Variants in CNTNAP5 observed in about 807,000 individuals in gnomAD.
The protein encoded by CNTNAP5 is contactin-associated protein-like 5.
Under a neutral mutation model 150.2 loss-of-function variants are expected in CNTNAP5, and 72 were observed. That is an observed-to-expected ratio of 0.48 (90% CI 0.40 to 0.58). The LOEUF is 0.58. Among genes scored for constraint, CNTNAP5 ranks in the 20% least tolerant of loss-of-function variants. The probability of loss-of-function intolerance (pLI) is 0.00; values close to 1 mark genes in which losing one functional copy is unlikely to be tolerated. For synonymous variants in CNTNAP5, 672 were observed against 619.8 expected, an observed-to-expected ratio of 1.08 and a Z score of -1.25; for missense variants, 1,636 against 1,626.2, an observed-to-expected ratio of 1.01 and a Z score of -0.10.
chr2:124,053,150 G>A (rs1455704051), intron 1 of CNTNAP5, among the ~76,000 whole-genome samples: 2 of 152,102 alleles, frequency 1.3e-5, no homozygotes, highest in Non-Finnish European at 2.9e-5. Context: ...GTCTATAACT[G>A]AGGTAGATGT....
In CNTNAP5 at chr2:124,918,912, T is replaced by G. The variant is rs1057103552; in HGVS notation, c.*4624T>G. ...TAACTGAGTGCTATTTTCTGTCTCA[T>G]GCAGTTTGAACATGTTTTCTTTAAA... On this transcript the variant is annotated 3_prime_UTR_variant, in exon 24 of 24. Coordinates refer to ENST00000682447, the MANE Select transcript of CNTNAP5 (RefSeq NM_001367498.1). 3.9e-5 allele frequency among the ~76,000 whole-genome samples: 6 copies of G among 152,152 alleles called. No individual in the cohort carries two copies. Among genetic ancestry groups the G allele is most frequent in the African/African-American group, 1.4e-4 (6 of 41,450 alleles).
chr2:124,790,125 GCCCTTTTGC>G lies in CNTNAP5; in HGVS notation c.2977_2985del (p.Pro993_Cys995del), dbSNP rs1246769849. Reference sequence around the variant, plus strand: ...ATTGCACCAATTCACCTTATGAAGGGCCCTTTTGCAAAAAAGGTACCTTAGGCGCTCCTG... The same window carrying G: ...ATTGCACCAATTCACCTTATGAAGGGAAAAAAGGTACCTTAGGCGCTCCTG... On this transcript the variant is annotated inframe_deletion, in exon 18 of 24. Coordinates refer to ENST00000682447, the MANE Select transcript of CNTNAP5 (RefSeq NM_001367498.1). 6.2e-7 allele frequency: 1 copy of G among 1,612,728 alleles called. No homozygotes were observed. The highest frequency in any genetic ancestry group is 1.7e-5 in the Admixed American group (1 of 59,750).
rs191309014 is a variant in CNTNAP5, at chr2:124,554,447, G to T, written c.1650-8770G>T. ...CTTTTTTTTTTTTTTTTGAGACAGG[G>T]TCTTACATTGTCACCCAGACTGGAG... On this transcript the variant is annotated intron_variant, in intron 10 of 23. Transcript: ENST00000682447. 2.2e-3 allele frequency among the ~76,000 whole-genome samples: 328 copies of T among 148,442 alleles called. 1 individual carries two copies. The highest frequency in any genetic ancestry group is 3.8e-3 in the Admixed American group (57 of 14,900).
chr2:124,471,374 T>G (rs1266918303), intron 6 of CNTNAP5, among the ~76,000 whole-genome samples: 3 of 152,168 alleles, frequency 2.0e-5, no homozygotes, highest in Non-Finnish European at 4.4e-5. Flanking sequence ...GCTTGCCTGT[T>G]GTTGGTGTAT....
intron 13 of CNTNAP5, among the ~76,000 whole-genome samples, chr2:124,738,237 TC>T (rs1680427737): frequency 6.6e-6 from 1 of 152,190 alleles, no homozygotes. Context: ...TTGAGAGTCC[TC>T]CCTCTTTCTT....
At position 124,434,661 on chromosome 2, in the gene CNTNAP5, G is replaced by A. The variant is rs187679547; in HGVS notation, c.707G>A (p.Gly236Glu). ...GDHITLELQK[G>E]RLALHLNLGD... ...CACATCACCTTGGAACTCCAGAAGG[G>A]GAGGCTCGCCCTACACCTCAATTTG... The change falls in exon 5 of 24, where the codon GGG becomes GAG. Residue 236 changes from glycine (G) to glutamate (E), a missense_variant. Coordinates refer to ENST00000682447, the MANE Select transcript of CNTNAP5 (RefSeq NM_001367498.1). 178 of 1,613,030 alleles carry A rather than the reference G, an allele frequency of 1.1e-4. No homozygotes were observed. In the African/African-American group the frequency reaches 2.1e-3, roughly 19 times the overall value.
chr2:124,160,902 T>C (rs1298623511), intron 1 of CNTNAP5, among the ~76,000 whole-genome samples: 1 of 152,204 alleles, frequency 6.6e-6, no homozygotes, highest in Non-Finnish European at 1.5e-5. Context: ...TTTCATTTTA[T>C]TTGTTTCCTT....
intron 1 of CNTNAP5, among the ~76,000 whole-genome samples, chr2:124,189,835 G>A (rs572138929): frequency 6.6e-6 from 1 of 152,144 alleles, no homozygotes; most frequent in Non-Finnish European, 1.5e-5. Context: ...AAGGGCATAG[G>A]GGATGAAGGT....
At chr2:124,788,357 T>C (rs890735879) in intron 17 of CNTNAP5, among the ~76,000 whole-genome samples, 1 of 152,208 alleles carries the variant, frequency 6.6e-6, no homozygotes, top group Non-Finnish European at 1.5e-5. Context: ...ATCTTCAAGA[T>C]ATATCCTCAG....
chr2:124,885,549 T>TCACACACA (rs3980831), intron 21 of CNTNAP5, among the ~76,000 whole-genome samples: 3,617 of 145,306 alleles, frequency 0.025, 79 homozygotes, highest in African/African-American at 0.056. Flanking sequence ...AACATTTTCA[T>TCACACACA]CACACACACA....
At position 124,919,983 on chromosome 2, in the gene CNTNAP5, A is replaced by G. The variant is rs1167074683; in HGVS notation, c.*5695A>G. ...CCTTCCATTCATCCTGACATGAATA[A>G]GCATAACATAACTGTAAGAAGGAGT... On this transcript the variant is annotated 3_prime_UTR_variant, in exon 24 of 24. Coordinates refer to ENST00000682447, the MANE Select transcript of CNTNAP5 (RefSeq NM_001367498.1). Among the ~76,000 whole-genome samples, 1 of 152,054 alleles carries G rather than the reference A, an allele frequency of 6.6e-6. No homozygotes were observed. Among genetic ancestry groups the G allele is most frequent in the Non-Finnish European group, 1.5e-5 (1 of 68,012 alleles).
rs1681233244 is a variant in CNTNAP5, at chr2:124,772,825, G to T, written c.2560G>T (p.Asp854Tyr). Residue 854 changes from aspartate (D) to tyrosine (Y), a missense_variant, in exon 17 of 24, where the codon GAT becomes TAT. Transcript: ENST00000682447. ...SSPSEITFAI[D>Y]VGNGPVELVV... Reference sequence around the variant, plus strand: ...TCCTTCAGAGATCACCTTTGCCATCGATGTTGGGAATGGTCCTGTGGAGCT... The same window carrying T: ...TCCTTCAGAGATCACCTTTGCCATCTATGTTGGGAATGGTCCTGTGGAGCT... The T allele has an allele frequency of 6.2e-7, 1 of 1,613,562 alleles. No individual in the cohort carries two copies. Among genetic ancestry groups the T allele is most frequent in the Non-Finnish European group, 8.5e-7 (1 of 1,179,670 alleles).
At chr2:124,439,961 A>C (rs1264776251) in intron 5 of CNTNAP5, among the ~76,000 whole-genome samples, 2 of 152,188 alleles carry the variant, frequency 1.3e-5, no homozygotes, top group East Asian at 3.9e-4. Flanking sequence ...TGGGAGATAC[A>C]GATAGTAAGA....
intron 13 of CNTNAP5, among the ~76,000 whole-genome samples, chr2:124,694,480 G>T (rs1679363442): frequency 6.6e-6 from 1 of 152,098 alleles, no homozygotes; most frequent in Non-Finnish European, 1.5e-5. Context: ...GATCTTCATA[G>T]CTGTGTGGTT....
At chr2:124,638,483 T>C (rs1678019522) in intron 12 of CNTNAP5, among the ~76,000 whole-genome samples, 1 of 152,156 alleles carries the variant, frequency 6.6e-6, no homozygotes, top group Non-Finnish European at 1.5e-5. Context: ...TTTTTATAGT[T>C]ATTTTATCAA....
chr2:124,286,283 C>G (rs966187055), intron 3 of CNTNAP5, among the ~76,000 whole-genome samples: 1 of 152,174 alleles, frequency 6.6e-6, no homozygotes, highest in Non-Finnish European at 1.5e-5. Context: ...CTGACTCATG[C>G]CTTCTCGGCG....
chr2:124,025,723 G>C lies in CNTNAP5; in HGVS notation c.73G>C (p.Ala25Pro). 1 of 1,613,184 alleles carries C rather than the reference G, an allele frequency of 6.2e-7. No individual in the cohort carries two copies. Among genetic ancestry groups the C allele is most frequent in the Non-Finnish European group, 8.5e-7 (1 of 1,179,280 alleles). Reference sequence around the variant, plus strand: ...TGGCTTGTGGCATTTAGGATTAACAGCGACAAACTGTGAGTACGAGGAGCT... The same window carrying C: ...TGGCTTGTGGCATTTAGGATTAACACCGACAAACTGTGAGTACGAGGAGCT... ...FSGLWHLGLTATNYNCDDPLA... is the reference protein window; with the variant it reads ...FSGLWHLGLTPTNYNCDDPLA... Residue 25 changes from alanine to proline, a missense_variant, in exon 1 of 24, where the codon GCG becomes CCG. Physicochemically the swap from Ala to Pro is conservative, Grantham distance 27. Transcript: ENST00000682447.
At chr2:124,657,557 A>T (rs879382172) in intron 13 of CNTNAP5, among the ~76,000 whole-genome samples, 11 of 152,216 alleles carry the variant, frequency 7.2e-5, no homozygotes, top group Non-Finnish European at 1.5e-4. Flanking sequence ...ATTTCCCCAC[A>T]GCGGATATCC....
At chr2:124,745,534 G>A (rs12479180) in intron 13 of CNTNAP5, among the ~76,000 whole-genome samples, 39,668 of 152,104 alleles carry the variant, frequency 0.26, 5,770 homozygotes, top group Non-Finnish European at 0.34. Flanking sequence ...TAGGCCAGGT[G>A]TGCTTGGCTC....
Sources: allele counts gnomAD v4.1 joint callset (sites outside exome capture counted in the v4.1 genomes callset), GRCh38; gene constraint gnomAD v4.1.1; transcripts MANE v1.5; gene names NCBI Gene and HGNC (gene_info 2026-07-23, HGNC 2026-07-21).